KMT5B: variants seen among roughly 807,000 people sequenced by gnomAD.
KMT5B encodes histone-lysine N-methyltransferase KMT5B.
KMT5B carries 10 observed loss-of-function variants against 83.2 expected under a neutral mutation model. That is an observed-to-expected ratio of 0.12 (90% CI 0.07 to 0.20). KMT5B has a LOEUF of 0.20. Among genes scored for constraint, KMT5B ranks in the 10% least tolerant of loss-of-function variants. The probability of loss-of-function intolerance (pLI) is 1.00; values close to 1 mark genes in which losing one functional copy is unlikely to be tolerated. For missense variants in KMT5B, 753 were observed against 1,067.2 expected, an observed-to-expected ratio of 0.71 and a Z score of 4.10; for synonymous variants, 349 against 388.8, an observed-to-expected ratio of 0.90 and a Z score of 1.20.
rs1859246645 is a variant in KMT5B, at chr11:68,155,775, C to G, written c.*1913G>C. ...CTCCTGAGAGGCTGTGTGGGCTGCC[C>G]TACTTCACTGTTGAAGACCTCCAGA... On this transcript the variant is annotated 3_prime_UTR_variant, in exon 11 of 11. Transcript: ENST00000304363. The G allele has an allele frequency of 6.6e-6, 1 of 152,292 alleles. No individual in the cohort carries two copies. Among genetic ancestry groups the G allele is most frequent in the South Asian group, 2.1e-4 (1 of 4,822 alleles). The allele number at this position is 152,292 out of a possible 1,614,324, so 9.4% of individuals were successfully genotyped here.
intron 3 of KMT5B, among the ~76,000 whole-genome samples, chr11:68,182,797 C>T (rs1010381298): frequency 6.7e-5 from 10 of 149,238 alleles, no homozygotes; most frequent in South Asian, 4.2e-4. Flanking sequence ...AGTGCAGTGG[C>T]GCAATCTCGG....
intron 10 of KMT5B, chr11:68,165,702 G>A (rs1483095459): frequency 7.3e-7 from 1 of 1,361,884 alleles, no homozygotes; most frequent in African/African-American, 1.5e-5. Context: ...CAAGGAACCA[G>A]ACTCAGAAAA....
intron 1 of KMT5B, among the ~76,000 whole-genome samples, chr11:68,191,835 C>G (rs1858115661): frequency 6.6e-6 from 1 of 152,192 alleles, no homozygotes; most frequent in African/African-American, 2.4e-5. Flanking sequence ...TATACATGTA[C>G]TAGGTCTACG....
At chr11:68,170,943 T>C (rs2153051800) in intron 9 of KMT5B, 72 bp downstream of exon 9, 9 of 1,445,542 alleles carry the variant, frequency 6.2e-6, no homozygotes, top group South Asian at 1.4e-5. Flanking sequence ...AAAGAGATAA[T>C]GTGAGTTTAA....
chr11:68,208,189 C>T (rs1404129866), intron 1 of KMT5B, among the ~76,000 whole-genome samples: 2 of 151,300 alleles, frequency 1.3e-5, no homozygotes, highest in Non-Finnish European at 2.9e-5. Context: ...TGGCTCACGC[C>T]TGTAATCCCA....
chr11:68,166,426 C>T (rs1182895170), intron 10 of KMT5B: 1 of 1,005,022 alleles, frequency 1.0e-6, no homozygotes, highest in Non-Finnish European at 1.2e-6. Flanking sequence ...TACAGCATGT[C>T]ACAATACGGC....
At chr11:68,196,410 T>C (rs749784760) in intron 1 of KMT5B, among the ~76,000 whole-genome samples, 5 of 150,322 alleles carry the variant, frequency 3.3e-5, no homozygotes, top group Admixed American at 1.3e-4. Flanking sequence ...GCTTCCTTAA[T>C]TGAGAGTTCC....
intron 1 of KMT5B, among the ~76,000 whole-genome samples, chr11:68,204,238 G>A (rs1859792955): frequency 1.3e-5 from 2 of 152,198 alleles, no homozygotes; most frequent in African/African-American, 4.8e-5. Flanking sequence ...GTAGTATGGT[G>A]GAAAACGGCC....
In KMT5B at chr11:68,156,517, A is replaced by G. The variant is rs944199136; in HGVS notation, c.*1171T>C. On this transcript the variant is annotated 3_prime_UTR_variant, in exon 11 of 11. Coordinates refer to ENST00000304363, the MANE Select transcript of KMT5B (RefSeq NM_017635.5). ...CTAACATAAACTAACATAAGCCAAGAACTCCCACTGATGCAGTGCTTAAAA... is the reference window on the plus strand; with the variant it reads ...CTAACATAAACTAACATAAGCCAAGGACTCCCACTGATGCAGTGCTTAAAA... The G allele has an allele frequency of 2.0e-5, 3 of 152,642 alleles. No individual in the cohort carries two copies. The highest frequency in any genetic ancestry group is 7.2e-5 in the African/African-American group (3 of 41,450). The allele number at this position is 152,642 out of a possible 1,614,324, so 9.5% of individuals were successfully genotyped here.
At chr11:68,213,544 G>C (rs1861276982), upstream of KMT5B, 1 of 151,558 alleles carries the variant, frequency 6.6e-6, no homozygotes, top group Non-Finnish European at 1.5e-5. Flanking sequence ...TCCCAGGTCC[G>C]TGCGCCGCGC....
chr11:68,167,267 C>A, intron 9 of KMT5B, 89 bp from the exon 10 acceptor site: 2 of 1,485,856 alleles, frequency 1.3e-6, no homozygotes, highest in Admixed American at 4.4e-5. Context: ...TACAGGTTAA[C>A]AGATGTGATG....
chr11:68,166,184 G>A, intron 10 of KMT5B: 1 of 1,318,110 alleles, frequency 7.6e-7, no homozygotes, highest in Non-Finnish European at 9.6e-7. Flanking sequence ...ACAGAAAACT[G>A]GTGTTACCCA....
In KMT5B at chr11:68,180,294, C is replaced by CAA. The variant is rs1489974610; in HGVS notation, c.309-96_309-95dup. ...AACAGACTTACAATATTCGTTGTTG[C>CAA]AAAAATCTTTAAAACTCTGTGATAA... On this transcript the variant is annotated intron_variant, in intron 3 of 10. Coordinates refer to ENST00000304363, the MANE Select transcript of KMT5B (RefSeq NM_017635.5). 3 of 1,477,296 alleles carry CAA rather than the reference C, an allele frequency of 2.0e-6. No homozygotes were observed. In the African/African-American group the frequency reaches 4.2e-5, roughly 21 times the overall value. 91.5% of individuals were successfully genotyped at this position (1,477,296 alleles called of 1,614,324 possible).
At chr11:68,209,477 G>T (rs1044631356) in intron 1 of KMT5B, among the ~76,000 whole-genome samples, 31 of 152,112 alleles carry the variant, frequency 2.0e-4, no homozygotes, top group African/African-American at 7.5e-4. Context: ...TCACTGAATG[G>T]GCCTTTTGCG....
chr11:68,193,497 C>T (rs1217565360), intron 1 of KMT5B, among the ~76,000 whole-genome samples: 1 of 151,200 alleles, frequency 6.6e-6, no homozygotes, highest in Non-Finnish European at 1.5e-5. Context: ...GAGCAGTATG[C>T]TTAGGGGAAT....
At chr11:68,183,239 A>C (rs1314003742) in intron 3 of KMT5B, among the ~76,000 whole-genome samples, 1 of 151,990 alleles carries the variant, frequency 6.6e-6, no homozygotes. Context: ...ACAAAGAAAA[A>C]CACTGGGGGT....
At chr11:68,165,046 C>A (rs1023974273) in intron 10 of KMT5B, among the ~76,000 whole-genome samples, 2 of 152,204 alleles carry the variant, frequency 1.3e-5, no homozygotes, top group African/African-American at 4.8e-5. Context: ...GTATTCTTAT[C>A]TTTTAAACTA....
chr11:68,182,134 T>TCA (rs1195084214), intron 3 of KMT5B, among the ~76,000 whole-genome samples: 2 of 152,236 alleles, frequency 1.3e-5, no homozygotes, highest in African/African-American at 4.8e-5. Context: ...TTAGGAGTCC[T>TCA]CAGTTAATGT....
At chr11:68,182,984 C>T (rs1419851610) in intron 3 of KMT5B, among the ~76,000 whole-genome samples, 1 of 152,018 alleles carries the variant, frequency 6.6e-6, no homozygotes, top group African/African-American at 2.4e-5. Context: ...GATCCGCCCA[C>T]CTCAGCCTCC....
Sources: allele counts gnomAD v4.1 joint callset (sites outside exome capture counted in the v4.1 genomes callset), GRCh38; gene constraint gnomAD v4.1.1; transcripts MANE v1.5; gene names NCBI Gene and HGNC (gene_info 2026-07-23, HGNC 2026-07-21).